DNAH11: variants seen among roughly 807,000 people sequenced by gnomAD.
The protein encoded by DNAH11 is axonemal beta dynein heavy chain 11.
In DNAH11, 442 loss-of-function variants were observed where a neutral mutation model predicts 526.0. The observed-to-expected ratio is 0.84, with a 90% CI of 0.78 to 0.91. DNAH11 has a LOEUF of 0.91. Ranked by LOEUF, DNAH11 falls within the 40% of genes least tolerant of loss-of-function variation. The probability of loss-of-function intolerance (pLI) is 0.00; values close to 1 mark genes in which losing one functional copy is unlikely to be tolerated. For missense variants in DNAH11, 6,989 were observed against 5,448.7 expected, an observed-to-expected ratio of 1.28 and a Z score of -8.90; for synonymous variants, 2,461 against 1,935.9, an observed-to-expected ratio of 1.27 and a Z score of -7.12.
chr7:21,572,587 C>T (rs772477096), intron 8 of DNAH11, among the ~76,000 whole-genome samples: 1 of 152,170 alleles, frequency 6.6e-6, no homozygotes, highest in Admixed American at 6.6e-5. Context: ...TTGCCAAGAA[C>T]AGCGAAGCCC....
In DNAH11 at chr7:21,808,932, T is replaced by C. The variant is rs76686014; in HGVS notation, c.10332+883T>C. Among the ~76,000 whole-genome samples, 161 of 152,322 alleles carry C rather than the reference T, an allele frequency of 1.1e-3. 2 individuals are homozygous for C. Among genetic ancestry groups the C allele is most frequent in the African/African-American group, 3.7e-3 (154 of 41,572 alleles). On this transcript the variant is annotated intron_variant, in intron 63 of 81. Transcript: ENST00000409508. ...AGATTGCTGGATCATATGGTAGTTA[T>C]TTATTTTTTTTGAGGAACCTCCATA... is the stretch of plus-strand genomic sequence containing the variant.
intron 54 of DNAH11, among the ~76,000 whole-genome samples, chr7:21,756,440 C>A (rs188748538): frequency 2.1e-4 from 32 of 152,036 alleles, no homozygotes; most frequent in African/African-American, 7.2e-4. Flanking sequence ...TATTATAGCC[C>A]TATAGTATAT....
At chr7:21,826,598 C>CT (rs559298936) in intron 65 of DNAH11, among the ~76,000 whole-genome samples, 410 of 146,984 alleles carry the variant, frequency 2.8e-3, no homozygotes, top group African/African-American at 8.6e-3. Context: ...TCTCTATCCT[C>CT]TTTTTTTTTT....
At chr7:21,545,274 T>TTAAAAAAAA (rs1392917651) in intron 2 of DNAH11, 125 bp downstream of exon 2, 1 of 120,220 alleles carries the variant, frequency 8.3e-6, no homozygotes, top group Non-Finnish European at 1.4e-5. Flanking sequence ...TGGGGGTGGT[T>TTAAAAAAAA]AAAAAAAAAA....
At position 21,765,549 on chromosome 7, in the gene DNAH11, C is replaced by A; in HGVS notation, c.9062C>A (p.Ser3021Tyr). 1 of 1,602,792 alleles carries A rather than the reference C, an allele frequency of 6.2e-7. No individual in the cohort carries two copies. Among genetic ancestry groups the A allele is most frequent in the South Asian group, 1.1e-5 (1 of 90,856 alleles). Residue 3021 changes from serine to tyrosine, a missense_variant, in exon 55 of 82, where the codon TCC becomes TAC. By Grantham distance (144) the Ser-to-Tyr change is moderately radical. Coordinates refer to ENST00000409508, the MANE Select transcript of DNAH11 (RefSeq NM_001277115.2). Reference protein sequence around the residue: ...FHAWPQEALVSVSRRFIEETK... With the variant: ...FHAWPQEALVYVSRRFIEETK... Reference sequence around the variant, plus strand: ...GCGTGGCCGCAGGAGGCTCTGGTCTCCGTCAGCAGGAGGTTCATTGAGGAA... The same window carrying A: ...GCGTGGCCGCAGGAGGCTCTGGTCTACGTCAGCAGGAGGTTCATTGAGGAA...
intron 45 of DNAH11, among the ~76,000 whole-genome samples, chr7:21,730,227 A>T (rs1583636835): frequency 6.6e-6 from 1 of 152,230 alleles, no homozygotes; most frequent in Non-Finnish European, 1.5e-5. Context: ...GAGTTAACCT[A>T]AGTGTCCATC....
chr7:21,671,830 A>C (rs750887750), intron 30 of DNAH11, among the ~76,000 whole-genome samples: 2 of 152,228 alleles, frequency 1.3e-5, no homozygotes, highest in Non-Finnish European at 2.9e-5. Context: ...ACCTGCAGAG[A>C]AAATCATACT....
chr7:21,570,249 C>A lies in DNAH11; in HGVS notation c.1375C>A (p.Leu459Met), dbSNP rs547976947. The change falls in exon 7 of 82, where the codon CTG becomes ATG. Residue 459 changes from leucine to methionine, a missense_variant. Leu to Met is a conservative substitution (Grantham distance 15). Coordinates refer to ENST00000409508, the MANE Select transcript of DNAH11 (RefSeq NM_001277115.2). ...KLRPWDFQSH[L>M]VFCRFDKFLD... ...GAGACCATGGGATTTCCAGTCTCAT[C>A]TGGTGTTTTGCAGATTTGACAAGTT... 1 of 1,612,424 alleles carries A rather than the reference C, an allele frequency of 6.2e-7. No homozygotes were observed. Among genetic ancestry groups the A allele is most frequent in the Non-Finnish European group, 8.5e-7 (1 of 1,179,512 alleles).
intron 57 of DNAH11, among the ~76,000 whole-genome samples, chr7:21,782,997 C>T (rs1273416722): frequency 1.7e-5 from 2 of 118,672 alleles, no homozygotes; most frequent in Non-Finnish European, 3.8e-5. Flanking sequence ...GATCCTGATT[C>T]CAATTTAAAA....
chr7:21,736,082 A>G (rs2128489229), intron 46 of DNAH11, among the ~76,000 whole-genome samples: 1 of 152,356 alleles, frequency 6.6e-6, no homozygotes, highest in East Asian at 1.9e-4. Context: ...CAGCAAGAAT[A>G]TACATCAATA....
intron 28 of DNAH11, among the ~76,000 whole-genome samples, chr7:21,642,824 A>G (rs1193999458): frequency 1.3e-5 from 2 of 151,930 alleles, no homozygotes; most frequent in African/African-American, 2.4e-5. Flanking sequence ...AACCACTACA[A>G]CCGCCATTCT....
chr7:21,899,550 C>A, intron 80 of DNAH11, 102 bp downstream of exon 80: 1 of 898,692 alleles, frequency 1.1e-6, no homozygotes, highest in Non-Finnish European at 1.7e-6. Context: ...CCCTGCTCAC[C>A]AATCCTCAAG....
rs1367239110 is a variant in DNAH11, at chr7:21,545,131, A to T, written c.477A>T (p.Val159=). The part of the protein sequence containing the change: ...GELPALSLGH[V]SAFLDEILVP... ...TACCTGCGTTGTCTCTTGGACATGT[A>T]TCTGCTTTCCTTGATGAGGTACTGG... Residue 159 remains valine (V), a synonymous_variant, in exon 2 of 82, where the codon GTA becomes GTT. Transcript: ENST00000409508. The T allele has an allele frequency of 6.2e-7, 1 of 1,610,540 alleles. No homozygotes were observed. Among genetic ancestry groups the T allele is most frequent in the Non-Finnish European group, 8.5e-7 (1 of 1,178,168 alleles).
intron 68 of DNAH11, among the ~76,000 whole-genome samples, chr7:21,856,576 C>G (rs965803871): frequency 1.3e-5 from 2 of 152,148 alleles, no homozygotes; most frequent in Admixed American, 1.3e-4. Flanking sequence ...TGTTGGTAAA[C>G]TCCTCCAGAA....
intron 18 of DNAH11, 106 bp from the exon 19 acceptor site, chr7:21,606,320 C>T: frequency 1.0e-6 from 1 of 965,434 alleles, no homozygotes; most frequent in Non-Finnish European, 1.5e-6. Context: ...CAGACCTTGT[C>T]TCAAGAGAAA....
Position 21,787,595 on chromosome 7 carries a change from A to G in DNAH11, c.9924+12A>G, listed in dbSNP as rs760445518. On this transcript the variant is annotated intron_variant, in intron 60 of 81. Coordinates refer to ENST00000409508, the MANE Select transcript of DNAH11 (RefSeq NM_001277115.2). ...TTAAATTCTATGAGGTATCAATCCT[A>G]AATTGATTGTTTACAGATGTTCTCC... 2.3e-5 allele frequency: 37 copies of G among 1,593,456 alleles called. No individual in the cohort carries two copies. The highest frequency in any genetic ancestry group is 3.0e-5 in the Non-Finnish European group (35 of 1,168,934).
At position 21,881,682 on chromosome 7, in the gene DNAH11, G is replaced by A. The variant is rs780969217; in HGVS notation, c.12387+789G>A. Among the ~76,000 whole-genome samples, 34 of 152,134 alleles carry A rather than the reference G, an allele frequency of 2.2e-4. 1 individual carries two copies. Among genetic ancestry groups the A allele is most frequent in the Admixed American group, 1.4e-3 (21 of 15,278 alleles). On this transcript the variant is annotated intron_variant, in intron 75 of 81. Coordinates refer to ENST00000409508, the MANE Select transcript of DNAH11 (RefSeq NM_001277115.2). ...CTCTAGGCCACATTTTCTATAAAGC[G>A]TTTTTAAAATCACCCGTCTCTGTTT...
chr7:21,679,205 G>A (rs1320638586), intron 30 of DNAH11, among the ~76,000 whole-genome samples: 1 of 152,048 alleles, frequency 6.6e-6, no homozygotes, highest in Admixed American at 6.5e-5. Flanking sequence ...CTAACACATA[G>A]TAACGGTACA....
intron 8 of DNAH11, among the ~76,000 whole-genome samples, chr7:21,573,511 T>TA (rs1327179892): frequency 1.3e-5 from 2 of 152,048 alleles, no homozygotes; most frequent in East Asian, 3.9e-4. Context: ...ATTACTTTTT[T>TA]AAAAAAATGT....
Sources: allele counts gnomAD v4.1 joint callset (sites outside exome capture counted in the v4.1 genomes callset), GRCh38; gene constraint gnomAD v4.1.1; transcripts MANE v1.5; gene names NCBI Gene and HGNC (gene_info 2026-07-23, HGNC 2026-07-21).